RTTN: variants seen among roughly 807,000 people sequenced by gnomAD.
RTTN encodes rotatin.
Under a neutral mutation model 269.2 loss-of-function variants are expected in RTTN, and 182 were observed. The observed-to-expected ratio is 0.68, with a 90% CI of 0.60 to 0.76. RTTN has a LOEUF of 0.76. Among genes scored for constraint, RTTN ranks in the 30% least tolerant of loss-of-function variants. The pLI is 0.00. For missense variants in RTTN, 2,545 were observed against 2,608.6 expected (o/e 0.98, Z 0.53); for synonymous variants, 1,006 against 963.5 (o/e 1.04, Z -0.82).
chr18:70,051,640 A>T (rs2057672690), intron 38 of RTTN, 92 bp from the exon 39 acceptor site: 5 of 909,220 alleles, frequency 5.5e-6, no homozygotes, highest in African/African-American at 1.7e-5. Flanking sequence ...GCTTCATTAC[A>T]CTTAAAATGA....
intron 35 of RTTN, among the ~76,000 whole-genome samples, chr18:70,060,247 T>C (rs1310375386): frequency 6.6e-6 from 1 of 152,062 alleles, no homozygotes; most frequent in Non-Finnish European, 1.5e-5. Context: ...CATGTGTGGA[T>C]GTAGATGTGT....
chr18:70,157,932 A>G (rs980437839), intron 14 of RTTN, among the ~76,000 whole-genome samples: 1 of 152,284 alleles, frequency 6.6e-6, no homozygotes, highest in African/African-American at 2.4e-5. Flanking sequence ...AAAAAACTTC[A>G]AGAAATATGG....
intron 31 of RTTN, among the ~76,000 whole-genome samples, chr18:70,087,252 C>A (rs1158489179): frequency 6.6e-6 from 1 of 152,058 alleles, no homozygotes; most frequent in Non-Finnish European, 1.5e-5. Context: ...GATGAAATAA[C>A]CATAATGGGA....
At chr18:70,055,718 G>A (rs919915846) in intron 37 of RTTN, among the ~76,000 whole-genome samples, 5 of 152,134 alleles carry the variant, frequency 3.3e-5, no homozygotes, top group Non-Finnish European at 7.4e-5. Flanking sequence ...GTGTTATAGA[G>A]AAAACGCTGA....
intron 10 of RTTN, among the ~76,000 whole-genome samples, chr18:70,181,074 T>C (rs1568525993): frequency 6.6e-6 from 1 of 152,212 alleles, no homozygotes; most frequent in Non-Finnish European, 1.5e-5. Context: ...ATATCCTTAA[T>C]GAGCCCTTAC....
At chr18:70,040,232 A>C (rs977615787) in intron 40 of RTTN, among the ~76,000 whole-genome samples, 1 of 152,196 alleles carries the variant, frequency 6.6e-6, no homozygotes, top group African/African-American at 2.4e-5. Context: ...TACAAGAAAC[A>C]TATTTCACCA....
chr18:70,051,428 T>C lies in RTTN; in HGVS notation c.5306A>G (p.His1769Arg). ...LPFVTVALAK[H>R]WTAAIDMFCT... ...CTTCTTACCAATCGCCGCTGTCCAG[T>C]GCTTGGCCAGGGCCACGGTAACAAA... Residue 1769 changes from histidine (H) to arginine (R), a missense_variant, in exon 39 of 49, where the codon CAC becomes CGC. Transcript: ENST00000640769. 2 of 1,613,374 alleles carry C rather than the reference T, an allele frequency of 1.2e-6. No individual in the cohort carries two copies. Among genetic ancestry groups the C allele is most frequent in the Non-Finnish European group, 1.7e-6 (2 of 1,179,762 alleles).
At chr18:70,094,858 C>T (rs12457368) in intron 28 of RTTN, among the ~76,000 whole-genome samples, 125,167 of 151,486 alleles carry the variant, frequency 0.83, 55,038 homozygotes, top group East Asian at 1. Flanking sequence ...TTCTGAATAT[C>T]CTTTTTAATT....
At chr18:70,054,072 T>A in intron 38 of RTTN, 59 bp downstream of exon 38, 3 of 1,369,886 alleles carry the variant, frequency 2.2e-6, no homozygotes, top group South Asian at 2.6e-5. Context: ...TGAAACAGAG[T>A]AAGTTTTTTT....
At chr18:70,035,963 A>G (rs925861458) in intron 40 of RTTN, among the ~76,000 whole-genome samples, 1 of 152,182 alleles carries the variant, frequency 6.6e-6, no homozygotes, top group Non-Finnish European at 1.5e-5. Flanking sequence ...GCTCAACATC[A>G]CTGATCATTA....
intron 36 of RTTN, among the ~76,000 whole-genome samples, chr18:70,058,538 A>T: frequency 6.6e-6 from 1 of 152,322 alleles, no homozygotes; most frequent in East Asian, 1.9e-4. Context: ...AAAAATAAAA[A>T]AATAAAAATA....
chr18:70,149,669 T>C (rs1417359882), intron 16 of RTTN, among the ~76,000 whole-genome samples: 1 of 152,130 alleles, frequency 6.6e-6, no homozygotes, highest in Admixed American at 6.6e-5. Context: ...CACTGTTAGC[T>C]CTGCCTAAAA....
At chr18:70,112,866 T>A (rs188273001) in intron 27 of RTTN, among the ~76,000 whole-genome samples, 3 of 152,320 alleles carry the variant, frequency 2.0e-5, no homozygotes, top group Admixed American at 2.0e-4. Context: ...GAATATACAT[T>A]CTTCTTAGCA....
chr18:70,039,040 A>T (rs1398801228), intron 40 of RTTN, among the ~76,000 whole-genome samples: 1 of 152,202 alleles, frequency 6.6e-6, no homozygotes. Context: ...CAGGGGAAGG[A>T]GATAAAAGAA....
chr18:70,136,498 T>C (rs959518037), intron 21 of RTTN, among the ~76,000 whole-genome samples: 6 of 151,764 alleles, frequency 4.0e-5, no homozygotes, highest in Non-Finnish European at 7.4e-5. Flanking sequence ...TGTGCCTATC[T>C]TATAATAAAA....
In RTTN at chr18:70,030,983, T is replaced by A; in HGVS notation, c.5542-2A>T. The stretch of plus-strand genomic sequence containing the variant: ...TTTGGAGGATTTCCCTTCATAGCAC[T>A]GCAGAGAATATAAATCAAACTGCCT... On this transcript the variant is annotated splice_acceptor_variant, in intron 40 of 48. Transcript: ENST00000640769. LOFTEE classifies it high-confidence loss of function. 6.3e-7 allele frequency: 1 copy of A among 1,599,800 alleles called. No individual in the cohort carries two copies. The highest frequency in any genetic ancestry group is 8.5e-7 in the Non-Finnish European group (1 of 1,170,826).
chr18:70,189,239 A>G (rs1021886289), intron 9 of RTTN, among the ~76,000 whole-genome samples: 1 of 152,254 alleles, frequency 6.6e-6, no homozygotes, highest in Non-Finnish European at 1.5e-5. Flanking sequence ...GAATTAATAT[A>G]TAGTTCCAGC....
chr18:70,081,781 TC>T (rs1397413777), intron 32 of RTTN, among the ~76,000 whole-genome samples: 1 of 152,118 alleles, frequency 6.6e-6, no homozygotes, highest in African/African-American at 2.4e-5. Flanking sequence ...GATTTTTTTT[TC>T]TTTTTTTTCT....
At chr18:70,007,224 G>A (rs567184635) in intron 46 of RTTN, among the ~76,000 whole-genome samples, 78 of 152,296 alleles carry the variant, frequency 5.1e-4, no homozygotes, top group African/African-American at 1.7e-3. Flanking sequence ...GGTGCATTCC[G>A]GCCCAGATAC....
Sources: gnomAD v4.1 joint callset for allele counts (sites outside exome capture counted in the v4.1 genomes callset) on GRCh38, gnomAD v4.1.1 for gene constraint, MANE v1.5 for transcripts, NCBI Gene and HGNC (gene_info 2026-07-23, HGNC 2026-07-21) for gene names.